SEMA3E: variants seen among roughly 807,000 people sequenced by gnomAD.
The protein encoded by SEMA3E is semaphorin-3E.
Under a neutral mutation model 93.6 loss-of-function variants are expected in SEMA3E, and 49 were observed. That is an observed-to-expected ratio of 0.52 (90% CI 0.42 to 0.66). SEMA3E has a LOEUF of 0.66. Ranked by LOEUF, SEMA3E falls within the 30% of genes least tolerant of loss-of-function variation. The pLI, the probability that SEMA3E is intolerant of heterozygous loss-of-function variation, is 0.00. For missense variants in SEMA3E, 906 were observed against 964.8 expected (o/e 0.94, Z 0.81); for synonymous variants, 363 against 330.7 (o/e 1.10, Z -1.06).
intron 9 of SEMA3E, among the ~76,000 whole-genome samples, chr7:83,403,914 A>G (rs1316757532): frequency 1.3e-5 from 2 of 151,974 alleles, no homozygotes; most frequent in Admixed American, 1.3e-4. Context: ...AGATTTATAT[A>G]AATTGAACAG....
In SEMA3E at chr7:83,367,234, A is replaced by G; in HGVS notation, c.*352T>C. On this transcript the variant is annotated 3_prime_UTR_variant, in exon 17 of 17. Coordinates refer to ENST00000643230, the MANE Select transcript of SEMA3E (RefSeq NM_012431.3). ...CATATTTAGTTTTATATTTACCATG[A>G]TTATAAGTCTCCAATTTTTCTTCAA... 4.0e-6 allele frequency: 1 copy of G among 252,542 alleles called. No individual in the cohort carries two copies. The highest frequency in any genetic ancestry group is 5.1e-5 in the South Asian group (1 of 19,572). 15.6% of individuals were successfully genotyped at this position (252,542 alleles called of 1,614,324 possible).
rs66605514 is a variant in SEMA3E at position 83,593,284 on chromosome 7, C to CTGTGTGTGTG, written c.115+55134_115+55143dup. Among the ~76,000 whole-genome samples, 17 of 116,762 alleles carry CTGTGTGTGTG rather than the reference C, an allele frequency of 1.5e-4. 1 individual carries two copies. In the East Asian group the frequency reaches 1.7e-3, roughly 11 times the overall value. 76.6% of individuals were successfully genotyped at this position (116,762 alleles called of 152,430 possible). On this transcript the variant is annotated intron_variant, in intron 1 of 16. Coordinates refer to ENST00000643230, the MANE Select transcript of SEMA3E (RefSeq NM_012431.3). ...TGTCTCTCTCTCTCTCTCTCTCTCT[C>CTGTGTGTGTG]TGTGTGTGTGTGTGTGTGTGTGTGT... is the stretch of plus-strand genomic sequence containing the variant.
At chr7:83,451,140 A>G (rs1233952256) in intron 4 of SEMA3E, among the ~76,000 whole-genome samples, 1 of 152,162 alleles carries the variant, frequency 6.6e-6, no homozygotes, top group Admixed American at 6.5e-5. Flanking sequence ...GAAGAAGGAC[A>G]GGTTTGCTTC....
intron 1 of SEMA3E, among the ~76,000 whole-genome samples, chr7:83,532,776 G>GT (rs142782932): frequency 0.34 from 49,684 of 145,982 alleles, 9,512 homozygotes; most frequent in South Asian, 0.43. Context: ...ATTATTTCCT[G>GT]TTTTTTTTTT....
In SEMA3E at chr7:83,490,204, C is replaced by A. The variant is rs148264760; in HGVS notation, c.186G>T (p.Leu62=). The change falls in exon 2 of 17, where the codon CTG becomes CTT. Residue 62 remains leucine, a synonymous_variant. Coordinates refer to ENST00000643230, the MANE Select transcript of SEMA3E (RefSeq NM_012431.3). ...AGAGCCTCTCTTGATATTCATCCAG[C>A]AGCATTGTATGGAGATCAAGAAATC... The part of the protein sequence containing the change: ...PFGFLDLHTM[L]LDEYQERLFV... The A allele has an allele frequency of 2.3e-5, 37 of 1,612,864 alleles. No individual in the cohort carries two copies. The highest frequency in any genetic ancestry group is 5.1e-6 in the Non-Finnish European group (6 of 1,179,386).
chr7:83,584,153 T>C (rs1792570781), intron 1 of SEMA3E, among the ~76,000 whole-genome samples: 1 of 152,178 alleles, frequency 6.6e-6, no homozygotes, highest in East Asian at 1.9e-4. Context: ...TTACTATATA[T>C]TAACCATAAA....
intron 4 of SEMA3E, among the ~76,000 whole-genome samples, chr7:83,426,497 A>G (rs6975460): frequency 0.56 from 85,476 of 151,882 alleles, 25,118 homozygotes; most frequent in East Asian, 0.85. Flanking sequence ...ACATGTTCTC[A>G]CTTATAGAAC....
chr7:83,648,573 C>G lies in SEMA3E; in HGVS notation c.-31G>C. 2 of 1,548,298 alleles carry G rather than the reference C, an allele frequency of 1.3e-6. No individual in the cohort carries two copies. The highest frequency in any genetic ancestry group is 1.1e-5 in the South Asian group (1 of 89,466). On this transcript the variant is annotated 5_prime_UTR_variant, in exon 1 of 17. Transcript: ENST00000643230. ...CGTGTTCACCGTCCAAGCCCTCGCT[C>G]CTCACTTTAAGGAGGGTCTGAGTTT...
At position 83,418,514 on chromosome 7, in the gene SEMA3E, A is replaced by G. The variant is rs1431451541; in HGVS notation, c.457-31T>C. 4 of 1,385,406 alleles carry G rather than the reference A, an allele frequency of 2.9e-6. No individual in the cohort carries two copies. In the Admixed American group the frequency reaches 7.0e-5, roughly 24 times the overall value. The allele number at this position is 1,385,406 out of a possible 1,614,324, so 85.8% of individuals were successfully genotyped here. ...AAGAAAACCAGAAAAATCATTATGA[A>G]TATGCCTCCTCTAATAATCATTTAA... On this transcript the variant is annotated intron_variant, in intron 4 of 16. Coordinates refer to ENST00000643230, the MANE Select transcript of SEMA3E (RefSeq NM_012431.3).
At chr7:83,540,260 T>C (rs919547761) in intron 1 of SEMA3E, among the ~76,000 whole-genome samples, 2 of 152,208 alleles carry the variant, frequency 1.3e-5, no homozygotes, top group Admixed American at 1.3e-4. Flanking sequence ...CACAAGAATA[T>C]GTATATTATT....
At chr7:83,374,854 G>T (rs1181365670) in intron 16 of SEMA3E, among the ~76,000 whole-genome samples, 2 of 151,798 alleles carry the variant, frequency 1.3e-5, no homozygotes, top group Non-Finnish European at 2.9e-5. Flanking sequence ...TCAAACAAGA[G>T]AAATTTGTAT....
chr7:83,367,935 C>G lies in SEMA3E; in HGVS notation c.1979G>C (p.Ser660Thr). 2 of 1,612,814 alleles carry G rather than the reference C, an allele frequency of 1.2e-6. No individual in the cohort carries two copies. The highest frequency in any genetic ancestry group is 1.7e-6 in the Non-Finnish European group (2 of 1,179,444). The change falls in exon 17 of 17, where the codon AGC (serine) becomes ACC (threonine). Residue 660 changes from serine to threonine, a missense_variant. Ser to Thr is a moderately conservative substitution (Grantham distance 58, BLOSUM62 1). Coordinates refer to ENST00000643230, the MANE Select transcript of SEMA3E (RefSeq NM_012431.3). The stretch of plus-strand genomic sequence containing the variant: ...GATTTTACGGACCGTATGGACAAAG[C>G]TATGCTCTACTGTCTGGCAAAAATA... ...GTYFCQTVEH[S>T]FVHTVRKITL...
intron 1 of SEMA3E, among the ~76,000 whole-genome samples, chr7:83,516,442 GA>G (rs1270866358): frequency 6.6e-6 from 1 of 152,016 alleles, no homozygotes; most frequent in Non-Finnish European, 1.5e-5. Flanking sequence ...AAGTATTTAG[GA>G]AAAAACATAT....
intron 1 of SEMA3E, among the ~76,000 whole-genome samples, chr7:83,562,423 T>C (rs549542855): frequency 2.7e-4 from 41 of 152,146 alleles, no homozygotes; most frequent in Non-Finnish European, 4.3e-4. Context: ...CTTTCAGGGC[T>C]ACAGGTAGTG....
intron 1 of SEMA3E, among the ~76,000 whole-genome samples, chr7:83,621,091 C>T (rs1359204357): frequency 1.3e-5 from 2 of 152,040 alleles, no homozygotes; most frequent in Non-Finnish European, 2.9e-5. Flanking sequence ...TATATCTAGA[C>T]AATCCTACCA....
At chr7:83,509,156 A>C (rs1325305744) in intron 1 of SEMA3E, among the ~76,000 whole-genome samples, 1 of 152,154 alleles carries the variant, frequency 6.6e-6, no homozygotes, top group Non-Finnish European at 1.5e-5. Context: ...TTATACTTAA[A>C]CCTTTATTAA....
chr7:83,409,982 T>C (rs1247165266), intron 5 of SEMA3E, among the ~76,000 whole-genome samples: 1 of 151,692 alleles, frequency 6.6e-6, no homozygotes, highest in East Asian at 1.9e-4. Context: ...AGATGATTGC[T>C]TTTGTTATAC....
chr7:83,602,033 T>C (rs1415976924), intron 1 of SEMA3E, among the ~76,000 whole-genome samples: 1 of 152,220 alleles, frequency 6.6e-6, no homozygotes, highest in Non-Finnish European at 1.5e-5. Context: ...CTTATTTGTA[T>C]ACTCTCATTA....
chr7:83,482,301 C>T (rs932560242), intron 2 of SEMA3E, among the ~76,000 whole-genome samples: 3 of 151,874 alleles, frequency 2.0e-5, no homozygotes, highest in African/African-American at 4.8e-5. Flanking sequence ...GCGCAGTGGC[C>T]CACGTCTGTA....
Sources: gnomAD v4.1 joint callset for allele counts (sites outside exome capture counted in the v4.1 genomes callset) on GRCh38, gnomAD v4.1.1 for gene constraint, MANE v1.5 for transcripts, NCBI Gene and HGNC (gene_info 2026-07-23, HGNC 2026-07-21) for gene names.